Variants in ARHGEF18 observed in about 807,000 individuals in gnomAD.
ARHGEF18 encodes the protein Rho/Rac guanine nucleotide exchange factor 18, also known as rho guanine nucleotide exchange factor 18.
A neutral mutation model predicts 155.7 loss-of-function variants in ARHGEF18; 93 were observed. The observed-to-expected ratio is 0.60, with a 90% CI of 0.50 to 0.71. The LOEUF is 0.71. Ranked by LOEUF, ARHGEF18 falls within the 30% of genes least tolerant of loss-of-function variation. The pLI is 0.00. For synonymous variants in ARHGEF18, 742 were observed against 753.1 expected (o/e 0.99, Z 0.24); for missense variants, 1,593 against 1,816.1 (o/e 0.88, Z 2.23).
chr19:7,461,022 C>T (rs1050096900), intron 20 of ARHGEF18, among the ~76,000 whole-genome samples: 16 of 151,782 alleles, frequency 1.1e-4, no homozygotes, highest in African/African-American at 3.6e-4. Flanking sequence ...CTCTCGACCT[C>T]GTGATCTGCC....
chr19:7,453,159 T>C (rs1171752674), intron 16 of ARHGEF18, among the ~76,000 whole-genome samples: 1 of 152,084 alleles, frequency 6.6e-6, no homozygotes, highest in Non-Finnish European at 1.5e-5. Flanking sequence ...ATTGCGCCAT[T>C]GTACTCTAGC....
At chr19:7,380,607 C>G (rs1356155873) in intron 7 of ARHGEF18, among the ~76,000 whole-genome samples, 1 of 151,872 alleles carries the variant, frequency 6.6e-6, no homozygotes, top group Non-Finnish European at 1.5e-5. Context: ...TTGCTCAAGC[C>G]CCGGAGGTCG....
chr19:7,444,059 A>G lies in ARHGEF18; in HGVS notation c.1361-145A>G. 1 of 1,039,464 alleles carries G rather than the reference A, an allele frequency of 9.6e-7. No homozygotes were observed. Among genetic ancestry groups the G allele is most frequent in the Non-Finnish European group, 1.4e-6 (1 of 723,378 alleles). The allele number at this position is 1,039,464 out of a possible 1,614,324, so 64.4% of individuals were successfully genotyped here. A position where few individuals can be genotyped will look rare whatever the true frequency, so the allele number is the denominator to read the frequency against. ...CATTCTAAACCCTGGACACCCTGGA[A>G]GTAAGAAAGATCCCAAAGGCACAAG... On this transcript the variant is annotated intron_variant, in intron 13 of 28. Coordinates refer to ENST00000668164, the MANE Select transcript of ARHGEF18 (RefSeq NM_001367823.1). The surrounding 1 kb of genome is among the most constrained non-coding windows in gnomAD (Gnocchi z 4.7).
chr19:7,413,524 A>G (rs1972821579), intron 10 of ARHGEF18, among the ~76,000 whole-genome samples: 2 of 151,908 alleles, frequency 1.3e-5, no homozygotes, highest in African/African-American at 2.4e-5. Context: ...GATGGTTTCG[A>G]TCTCCTGACC....
rs1177042844 is a variant in ARHGEF18, at chr19:7,367,852, ATATACACATATATAT to A, written c.15+4949_16-4944del. On this transcript the variant is annotated intron_variant, in intron 2 of 28. Coordinates refer to ENST00000668164, the MANE Select transcript of ARHGEF18 (RefSeq NM_001367823.1). The stretch of plus-strand genomic sequence containing the variant: ...ACACATATATATATTTTATATATAT[ATATACACATATATAT>A]TTTTATATATATATATTTTATATAT... Among the ~76,000 whole-genome samples, 185 of 75,692 alleles carry A rather than the reference ATATACACATATATAT, an allele frequency of 2.4e-3. 11 individuals carry two copies. Among genetic ancestry groups the A allele is most frequent in the Non-Finnish European group, 3.8e-3 (147 of 39,066 alleles). 49.7% of individuals were successfully genotyped at this position (75,692 alleles called of 152,430 possible).
intron 10 of ARHGEF18, among the ~76,000 whole-genome samples, chr19:7,397,747 A>AT (rs1377129664): frequency 2.1e-4 from 31 of 149,176 alleles, no homozygotes; most frequent in South Asian, 6.3e-4. Context: ...AAAAAAAAAA[A>AT]TTTTTTTTGT....
chr19:7,479,027 C>T, the ARHGEF18 span, among the ~76,000 whole-genome samples: 1 of 152,214 alleles, frequency 6.6e-6, no homozygotes, highest in Non-Finnish European at 1.5e-5. Context: ...TGGGGTGTGC[C>T]GGGTTGTGAC....
At chr19:7,459,067 CAG>C (rs1282233419) in intron 19 of ARHGEF18, among the ~76,000 whole-genome samples, 3 of 152,186 alleles carry the variant, frequency 2.0e-5, no homozygotes, top group East Asian at 3.9e-4. Context: ...TTTTTTGAGA[CAG>C]AGTCTTGCTC....
At chr19:7,380,274 C>T (rs59500281) in intron 7 of ARHGEF18, among the ~76,000 whole-genome samples, 35,655 of 151,518 alleles carry the variant, frequency 0.24, 9,567 homozygotes, top group African/African-American at 0.66. Context: ...GTCAGGAGAT[C>T]GAGACCATCC....
intron 17 of ARHGEF18, among the ~76,000 whole-genome samples, chr19:7,454,823 C>T (rs977112801): frequency 9.2e-5 from 14 of 152,258 alleles, no homozygotes; most frequent in South Asian, 4.1e-4. Flanking sequence ...ATTCCAAACA[C>T]GCTCAGCTGC....
At chr19:7,354,048 C>G (rs1033235693) in intron 1 of ARHGEF18, among the ~76,000 whole-genome samples, 3 of 152,044 alleles carry the variant, frequency 2.0e-5, no homozygotes, top group Non-Finnish European at 2.9e-5. Context: ...CCATGGCTCA[C>G]GCCTGTAATC....
chr19:7,444,511 C>T lies in ARHGEF18; in HGVS notation c.1611+57C>T. The T allele has an allele frequency of 6.3e-7, 1 of 1,585,714 alleles. No homozygotes were observed. The highest frequency in any genetic ancestry group is 8.6e-7 in the Non-Finnish European group (1 of 1,165,606). On this transcript the variant is annotated intron_variant, in intron 14 of 28. Coordinates refer to ENST00000668164, the MANE Select transcript of ARHGEF18 (RefSeq NM_001367823.1). The surrounding 1 kb of genome is among the most constrained non-coding windows in gnomAD (Gnocchi z 4.7). ...TCAAAGCCTCTGCCTTGTCTCTGTT[C>T]CTTTCTTCTTTTTTTCTGAGATAGG...
intron 2 of ARHGEF18, among the ~76,000 whole-genome samples, chr19:7,371,632 C>A (rs1277952605): frequency 6.6e-6 from 1 of 151,992 alleles, no homozygotes; most frequent in African/African-American, 2.4e-5. Flanking sequence ...ACCAACCCGG[C>A]CAACATTGTG....
rs765080423 is a variant in ARHGEF18, at chr19:7,463,785, C to T, written c.2636-33C>T. On this transcript the variant is annotated intron_variant, in intron 21 of 28. Transcript: ENST00000668164. This position sits in a 1 kb window ranked among gnomAD's most constrained non-coding sequence, Gnocchi z 5.2. The stretch of plus-strand genomic sequence containing the variant: ...ATTCCCCCAGCACACTTCCGCAGGG[C>T]GACCCGTGCCTCCTGTCCCCTTCCT... The T allele has an allele frequency of 7.0e-6, 11 of 1,574,856 alleles. No individual in the cohort carries two copies. The highest frequency in any genetic ancestry group is 2.0e-4 in the Middle Eastern group (1 of 5,038).
At chr19:7,353,636 A>C (rs1216456205) in intron 1 of ARHGEF18, among the ~76,000 whole-genome samples, 2 of 151,616 alleles carry the variant, frequency 1.3e-5, no homozygotes, top group African/African-American at 4.8e-5. Flanking sequence ...AAAAAGAAAT[A>C]GATATCCCTG....
chr19:7,479,804 C>T, the ARHGEF18 span, among the ~76,000 whole-genome samples: 16 of 152,230 alleles, frequency 1.1e-4, no homozygotes, highest in African/African-American at 3.1e-4. Flanking sequence ...TGAACCCTAA[C>T]GTGAGCTACT....
rs776975426 is a variant in ARHGEF18 at position 7,390,364 on chromosome 19, C to T, written c.967+7161C>T. ...TCCATTAAAAACACAAAACAATTAG[C>T]GGGGCATGGTGGCACATGCCTGTAA... On this transcript the variant is annotated intron_variant, in intron 10 of 28. Transcript: ENST00000668164. 2.6e-4 allele frequency among the ~76,000 whole-genome samples: 40 copies of T among 151,986 alleles called. 1 individual carries two copies. The highest frequency in any genetic ancestry group is 1.8e-3 in the Admixed American group (27 of 15,240).
Position 7,467,595 on chromosome 19 carries a change from G to A in ARHGEF18, c.3391G>A (p.Glu1131Lys), listed in dbSNP as rs768316563. 6.6e-7 allele frequency: 1 copy of A among 1,507,102 alleles called. No individual in the cohort carries two copies. The highest frequency in any genetic ancestry group is 1.2e-5 in the South Asian group (1 of 81,158). The allele number at this position is 1,507,102 out of a possible 1,614,324, so 93.4% of individuals were successfully genotyped here. A position where few individuals can be genotyped will look rare whatever the true frequency, so the allele number is the denominator to read the frequency against. ...GCTGCGCGAGGCCCAGCGTGCCGTG[G>A]AGCGCGAGCGGGAGCGCCTGGAGCT... The part of the protein sequence containing the change: ...ERLREAQRAV[E>K]RERERLELLR... The change falls in exon 26 of 29, where the codon GAG (glutamate) becomes AAG (lysine). Residue 1131 changes from glutamate (E) to lysine (K), a missense_variant. Physicochemically the swap from Glu to Lys is moderately conservative, Grantham distance 56. Transcript: ENST00000668164.
chr19:7,428,378 G>GC (rs1250159651), intron 10 of ARHGEF18, among the ~76,000 whole-genome samples: 3 of 151,790 alleles, frequency 2.0e-5, no homozygotes, highest in Middle Eastern at 3.2e-3. Context: ...AACCTGGTGA[G>GC]CCCACGGCCT....
Sources: allele counts gnomAD v4.1 joint callset (sites outside exome capture counted in the v4.1 genomes callset), GRCh38; gene constraint gnomAD v4.1.1; non-coding constraint Gnocchi (gnomAD v3.1); transcripts MANE v1.5; gene names NCBI Gene and HGNC (gene_info 2026-07-23, HGNC 2026-07-21).